RANBP17: variants seen among roughly 807,000 people sequenced by gnomAD.
RANBP17 encodes ran-binding protein 17.
Under a neutral mutation model 141.2 loss-of-function variants are expected in RANBP17, and 158 were observed. The observed-to-expected ratio is 1.12, with a 90% confidence interval of 0.98 to 1.28. The LOEUF is 1.28. Ranked by LOEUF, RANBP17 falls within the 50% of genes most tolerant of loss-of-function variation. The pLI is 0.00. For missense variants in RANBP17, 1,438 were observed against 1,290.7 expected, an observed-to-expected ratio of 1.11 and a Z score of -1.75; for synonymous variants, 430 against 450.0, an observed-to-expected ratio of 0.96 and a Z score of 0.56.
intron 26 of RANBP17, among the ~76,000 whole-genome samples, chr5:171,294,544 T>C (rs562703616): frequency 1.4e-4 from 21 of 152,252 alleles, no homozygotes; most frequent in Admixed American, 1.2e-3. Flanking sequence ...GAATGAATTG[T>C]CTATACAATA....
chr5:170,903,575 G>A (rs1770833301), intron 5 of RANBP17: 1 of 242,996 alleles, frequency 4.1e-6, no homozygotes, highest in South Asian at 7.4e-5. Context: ...CCAGAAGTAT[G>A]TAGATTTATG....
At chr5:171,094,216 G>T (rs1786512298) in intron 14 of RANBP17, among the ~76,000 whole-genome samples, 1 of 152,128 alleles carries the variant, frequency 6.6e-6, no homozygotes, top group Non-Finnish European at 1.5e-5. Flanking sequence ...TCATCAGATT[G>T]GGGTAGGGTC....
chr5:170,920,559 A>G (rs1171316916), intron 11 of RANBP17, among the ~76,000 whole-genome samples: 2 of 149,490 alleles, frequency 1.3e-5, no homozygotes, highest in Non-Finnish European at 3.0e-5. Context: ...TATTTTCTTC[A>G]CAAGTCTTTC....
At chr5:171,004,948 T>G (rs1471907079) in intron 14 of RANBP17, among the ~76,000 whole-genome samples, 1 of 152,154 alleles carries the variant, frequency 6.6e-6, no homozygotes, top group Admixed American at 6.5e-5. Context: ...TGGGTTTTCC[T>G]ACAGCGGAGG....
chr5:170,978,183 G>A (rs1292027904), intron 14 of RANBP17, among the ~76,000 whole-genome samples: 2 of 152,024 alleles, frequency 1.3e-5, no homozygotes, highest in Non-Finnish European at 2.9e-5. Context: ...TGACAAAATG[G>A]CTAAAAATTT....
chr5:171,202,089 G>C (rs1014362502), intron 19 of RANBP17, among the ~76,000 whole-genome samples: 3 of 152,094 alleles, frequency 2.0e-5, no homozygotes, highest in Admixed American at 2.0e-4. Flanking sequence ...AAACATTAAG[G>C]ACCTGTGTTG....
At chr5:171,244,054 C>T (rs1413058767) in intron 24 of RANBP17, among the ~76,000 whole-genome samples, 2 of 152,008 alleles carry the variant, frequency 1.3e-5, no homozygotes, top group Non-Finnish European at 2.9e-5. Context: ...CACCATTGCA[C>T]TCAGCCTGGG....
intron 5 of RANBP17, among the ~76,000 whole-genome samples, chr5:170,896,484 T>A (rs781229318): frequency 2.6e-5 from 4 of 152,154 alleles, no homozygotes; most frequent in South Asian, 2.1e-4. Flanking sequence ...ATATAGGTGG[T>A]TTGAGGAATT....
chr5:171,178,185 G>A (rs1334743470), intron 16 of RANBP17, among the ~76,000 whole-genome samples: 18 of 7,554 alleles, frequency 2.4e-3, no homozygotes, highest in Non-Finnish European at 3.3e-3. Context: ...CCCACCCCCC[G>A]ACAGGCCCCT....
chr5:170,890,436 A>G (rs528548208), intron 3 of RANBP17, among the ~76,000 whole-genome samples: 1 of 152,080 alleles, frequency 6.6e-6, no homozygotes, highest in African/African-American at 2.4e-5. Context: ...TTGTATAACT[A>G]TTTTAATATT....
intron 12 of RANBP17, among the ~76,000 whole-genome samples, chr5:170,944,837 C>T (rs1487747625): frequency 3.3e-5 from 5 of 152,076 alleles, no homozygotes; most frequent in Non-Finnish European, 7.4e-5. Context: ...AGTTTAATTC[C>T]AAGGTCACAG....
intron 14 of RANBP17, among the ~76,000 whole-genome samples, chr5:171,131,315 A>C (rs973229975): frequency 6.6e-6 from 1 of 152,198 alleles, no homozygotes; most frequent in African/African-American, 2.4e-5. Flanking sequence ...ATCTGCTACT[A>C]TTGCTTTCCA....
intron 5 of RANBP17, among the ~76,000 whole-genome samples, chr5:170,898,306 G>T (rs1351415150): frequency 1.3e-5 from 2 of 151,972 alleles, no homozygotes; most frequent in African/African-American, 4.8e-5. Flanking sequence ...TTTTCATACG[G>T]TTGTTGGCCA....
chr5:170,882,487 C>T (rs1202023517), intron 3 of RANBP17, among the ~76,000 whole-genome samples: 2 of 152,136 alleles, frequency 1.3e-5, no homozygotes, highest in African/African-American at 4.8e-5. Context: ...GAGTTATCCT[C>T]ATTTCACAAA....
At chr5:171,272,243 T>G (rs1241991847) in intron 25 of RANBP17, among the ~76,000 whole-genome samples, 4 of 152,224 alleles carry the variant, frequency 2.6e-5, no homozygotes, top group Non-Finnish European at 4.4e-5. Context: ...TTGGGGGTAC[T>G]GTGCTTATTA....
chr5:170,992,750 T>A (rs944799757), intron 14 of RANBP17, among the ~76,000 whole-genome samples: 4 of 151,732 alleles, frequency 2.6e-5, no homozygotes. Flanking sequence ...AGAAAGGAGG[T>A]AAGATTTTTA....
At chr5:170,975,542 G>T (rs1445162027) in intron 14 of RANBP17, among the ~76,000 whole-genome samples, 1 of 152,102 alleles carries the variant, frequency 6.6e-6, no homozygotes, top group Admixed American at 6.5e-5. Flanking sequence ...ATAAAAGAAA[G>T]AAATGTATTC....
At chr5:171,045,514 G>A (rs1782525709) in intron 14 of RANBP17, among the ~76,000 whole-genome samples, 1 of 152,026 alleles carries the variant, frequency 6.6e-6, no homozygotes, top group African/African-American at 2.4e-5. Context: ...AATGTATTGT[G>A]GATGTCAAAA....
At chr5:171,004,000 C>G (rs1779407925) in intron 14 of RANBP17, among the ~76,000 whole-genome samples, 1 of 152,126 alleles carries the variant, frequency 6.6e-6, no homozygotes, top group Admixed American at 6.5e-5. Context: ...TTGAACTAAC[C>G]TGTAAGAGTT....
Sources: gnomAD v4.1 joint callset for allele counts (sites outside exome capture counted in the v4.1 genomes callset) on GRCh38, gnomAD v4.1.1 for gene constraint, MANE v1.5 for transcripts, NCBI Gene and HGNC (gene_info 2026-07-23, HGNC 2026-07-21) for gene names.